POPDC3: variants seen among roughly 807,000 people sequenced by gnomAD.
POPDC3 encodes popeye domain cAMP effector 3.
In POPDC3, 20 loss-of-function variants were observed where a neutral mutation model predicts 28.2. That is an observed-to-expected ratio of 0.71 (90% CI 0.50 to 1.03). POPDC3 has a LOEUF of 1.03. POPDC3 is among the 50% of genes least tolerant of loss of function. The pLI, the probability that POPDC3 is intolerant of heterozygous loss-of-function variation, is 0.00. For synonymous variants in POPDC3, 118 were observed against 124.1 expected, an observed-to-expected ratio of 0.95 and a Z score of 0.33; for missense variants, 316 against 345.9, an observed-to-expected ratio of 0.91 and a Z score of 0.69.
intron 1 of POPDC3, among the ~76,000 whole-genome samples, chr6:105,165,887 T>G (rs1220672562): frequency 6.6e-6 from 1 of 152,226 alleles, no homozygotes; most frequent in Non-Finnish European, 1.5e-5. Flanking sequence ...ATTATCATTT[T>G]CTTAGTTTTT....
intron 1 of POPDC3, among the ~76,000 whole-genome samples, chr6:105,176,702 G>A (rs1408628526): frequency 6.6e-6 from 1 of 152,036 alleles, no homozygotes; most frequent in Admixed American, 6.6e-5. Context: ...GACTGCAGGC[G>A]CACGCAACCA....
At chr6:105,164,388 T>C (rs1470953195) in intron 1 of POPDC3, among the ~76,000 whole-genome samples, 1 of 152,206 alleles carries the variant, frequency 6.6e-6, no homozygotes, top group African/African-American at 2.4e-5. Context: ...GGAACTGTGC[T>C]TCCATCTTTA....
At chr6:105,159,872 A>T in intron 2 of POPDC3, 53 bp from the exon 3 acceptor site, 341 of 843,708 alleles carry the variant, frequency 4.0e-4, no homozygotes, top group Middle Eastern at 7.5e-4. Context: ...AGAGCACATA[A>T]TTGGGGAGGG....
At chr6:105,166,866 GGT>G (rs1491302293) in intron 1 of POPDC3, among the ~76,000 whole-genome samples, 3 of 61,620 alleles carry the variant, frequency 4.9e-5, no homozygotes, top group African/African-American at 1.2e-4. Flanking sequence ...GAACATAGAT[GGT>G]TGTGTGTGTG....
intron 1 of POPDC3, among the ~76,000 whole-genome samples, chr6:105,163,177 G>A (rs1390713921): frequency 6.6e-6 from 1 of 152,288 alleles, no homozygotes; most frequent in South Asian, 2.1e-4. Flanking sequence ...AGAAACAAAT[G>A]TACTACTTTG....
chr6:105,159,628 C>T, intron 3 of POPDC3, 83 bp downstream of exon 3: 1 of 765,332 alleles, frequency 1.3e-6, no homozygotes, highest in South Asian at 1.7e-5. Flanking sequence ...GTCTTATCCA[C>T]TGTTGTTTAT....
chr6:105,163,918 T>C (rs1046350373), intron 1 of POPDC3, among the ~76,000 whole-genome samples: 1 of 152,218 alleles, frequency 6.6e-6, no homozygotes, highest in Non-Finnish European at 1.5e-5. Context: ...ATGATGGTGA[T>C]GAAATTGAAG....
chr6:105,158,692 A>G lies in POPDC3; in HGVS notation c.654T>C (p.Tyr218=), dbSNP rs1487187644. The G allele has an allele frequency of 6.2e-7, 1 of 1,614,088 alleles. No homozygotes were observed. Among genetic ancestry groups the G allele is most frequent in the Admixed American group, 1.7e-5 (1 of 60,026 alleles). ...TGTAGCGATGCTGAGCAAAGAGCAGATATAATTTCTTTCTCCTCCAAGACA... is the reference window on the plus strand; with the variant it reads ...TGTAGCGATGCTGAGCAAAGAGCAGGTATAATTTCTTTCTCCTCCAAGACA... ...RYVSWRRKKL[Y]LLFAQHRYIS... is the part of the protein sequence containing the mutation. Residue 218 remains tyrosine (Y), a synonymous_variant, in exon 4 of 4, where the codon TAT becomes TAC. Transcript: ENST00000254765.
chr6:105,179,487 G>A (rs9500052), intron 1 of POPDC3, among the ~76,000 whole-genome samples: 6,045 of 152,228 alleles, frequency 0.04, 409 homozygotes, highest in African/African-American at 0.14. Context: ...GGACCTGCAG[G>A]AAAAGATCTG....
chr6:105,174,366 C>G (rs1038823152), intron 1 of POPDC3, among the ~76,000 whole-genome samples: 15 of 152,146 alleles, frequency 9.9e-5, no homozygotes, highest in Admixed American at 6.5e-5. Flanking sequence ...ACTTAGACTT[C>G]TCTACAGCTA....
chr6:105,167,466 G>C (rs1258650128), intron 1 of POPDC3, among the ~76,000 whole-genome samples: 1 of 152,176 alleles, frequency 6.6e-6, no homozygotes, highest in South Asian at 2.1e-4. Context: ...TAAAGAATAG[G>C]CTGGGCATGG....
chr6:105,174,134 C>A lies in POPDC3; in HGVS notation c.-252+5699G>T, dbSNP rs530107189. 9.9e-4 allele frequency among the ~76,000 whole-genome samples: 151 copies of A among 152,236 alleles called. 1 individual carries two copies. Among genetic ancestry groups the A allele is most frequent in the African/African-American group, 3.5e-3 (145 of 41,532 alleles). ...TTGGCTCACTGCAACCTCCGCCTCCCGGGTTCAAGCGATTATCCTGCCTCA... is the reference window on the plus strand; with the variant it reads ...TTGGCTCACTGCAACCTCCGCCTCCAGGGTTCAAGCGATTATCCTGCCTCA... On this transcript the variant is annotated intron_variant, in intron 1 of 3. Transcript: ENST00000254765.
At chr6:105,159,885 G>T in intron 2 of POPDC3, 66 bp from the exon 3 acceptor site, 1 of 1,063,032 alleles carries the variant, frequency 9.4e-7, no homozygotes, top group Non-Finnish European at 1.4e-6. Context: ...GGGGAGGGGT[G>T]GGGGGTAGAG....
chr6:105,169,461 A>G (rs916904903), intron 1 of POPDC3: 3 of 152,204 alleles, frequency 2.0e-5, no homozygotes, highest in Non-Finnish European at 4.4e-5. Context: ...TTGATATACC[A>G]ATCTCCAAAA....
At chr6:105,172,800 A>G (rs951650249) in intron 1 of POPDC3, among the ~76,000 whole-genome samples, 1 of 147,426 alleles carries the variant, frequency 6.8e-6, no homozygotes, top group African/African-American at 2.5e-5. Context: ...AAAACCAAAC[A>G]CCGCATGTTC....
chr6:105,177,315 TAACTC>T (rs1205117548), intron 1 of POPDC3, among the ~76,000 whole-genome samples: 2 of 152,070 alleles, frequency 1.3e-5, no homozygotes, highest in Non-Finnish European at 2.9e-5. Context: ...GGACTAGAAA[TAACTC>T]AAAGTGTGGG....
chr6:105,159,355 A>G (rs962721558), intron 3 of POPDC3, among the ~76,000 whole-genome samples: 6 of 152,222 alleles, frequency 3.9e-5, no homozygotes, highest in African/African-American at 1.4e-4. Flanking sequence ...TTTATTTTTT[A>G]GTAAGTGCAG....
intron 1 of POPDC3, chr6:105,166,530 C>A (rs764352185): frequency 4.3e-6 from 2 of 470,268 alleles, no homozygotes; most frequent in South Asian, 3.1e-5. Flanking sequence ...GGATTTTAAT[C>A]CTTGTTTTTA....
intron 2 of POPDC3, chr6:105,160,194 C>A (rs141218881): frequency 1.4e-3 from 214 of 154,564 alleles, no homozygotes; most frequent in African/African-American, 4.7e-3. Flanking sequence ...TCTGCAAATA[C>A]CTCTGTAAAC....
Sources: allele counts gnomAD v4.1 joint callset (sites outside exome capture counted in the v4.1 genomes callset), GRCh38; gene constraint gnomAD v4.1.1; transcripts MANE v1.5; gene names NCBI Gene and HGNC (gene_info 2026-07-23, HGNC 2026-07-21).